Variants in SLC66A2 observed in about 807,000 individuals in gnomAD.
SLC66A2 encodes solute carrier family 66 member 2, also known as PQ loop repeat containing 1.
In SLC66A2, 23 loss-of-function variants were observed where a neutral mutation model predicts 25.5. The observed-to-expected ratio is 0.90, with a 90% CI of 0.65 to 1.28. The LOEUF (loss-of-function observed/expected upper bound fraction) is 1.28, where lower values mean the gene tolerates loss of function less well. Ranked by LOEUF, SLC66A2 falls within the 50% of genes most tolerant of loss-of-function variation. The probability of loss-of-function intolerance (pLI) is 0.00; values close to 1 mark genes in which losing one functional copy is unlikely to be tolerated. For missense variants in SLC66A2, 396 were observed against 373.1 expected (o/e 1.06, Z -0.51); for synonymous variants, 193 against 166.5 (o/e 1.16, Z -1.23).
In SLC66A2 at chr18:79,937,805, C is replaced by T. The variant is rs1987251681; in HGVS notation, c.338-3783G>A. 6.6e-6 allele frequency among the ~76,000 whole-genome samples: 1 copy of T among 152,134 alleles called. No individual in the cohort carries two copies. Among genetic ancestry groups the T allele is most frequent in the Non-Finnish European group, 1.5e-5 (1 of 68,014 alleles). ...CTTGTCCTTGTCCACATCCCAGGGA[C>T]ATAAAGACACGAGGAAACACCAGGA... On this transcript the variant is annotated intron_variant, in intron 3 of 5. Transcript: ENST00000397778. This position sits in a 1 kb window ranked among gnomAD's most constrained non-coding sequence, Gnocchi z 5.4.
At chr18:79,939,609 G>GCC (rs1987461236) in intron 3 of SLC66A2, among the ~76,000 whole-genome samples, 1 of 152,164 alleles carries the variant, frequency 6.6e-6, no homozygotes, top group Non-Finnish European at 1.5e-5. Context: ...CATACATGCG[G>GCC]CCAACAAGCG....
intron 2 of SLC66A2, among the ~76,000 whole-genome samples, chr18:79,948,158 C>G (rs928327603): frequency 6.6e-6 from 1 of 152,176 alleles, no homozygotes; most frequent in Non-Finnish European, 1.5e-5. Context: ...TTCAGAATTC[C>G]CTGGAAGGCT....
chr18:79,933,468 A>G (rs1986771835), intron 4 of SLC66A2, among the ~76,000 whole-genome samples: 2 of 152,240 alleles, frequency 1.3e-5, no homozygotes, highest in African/African-American at 4.8e-5. Context: ...AATTAAAACT[A>G]TATTTGCAAA....
At chr18:79,933,575 A>C (rs1179868280) in intron 4 of SLC66A2, among the ~76,000 whole-genome samples, 1 of 152,250 alleles carries the variant, frequency 6.6e-6, no homozygotes, top group Non-Finnish European at 1.5e-5. Flanking sequence ...ATGATCAATT[A>C]CATTTCTATA....
At chr18:79,914,271 A>G (rs1193009869) in intron 5 of SLC66A2, among the ~76,000 whole-genome samples, 1 of 152,340 alleles carries the variant, frequency 6.6e-6, no homozygotes, top group Non-Finnish European at 1.5e-5. Context: ...GTCATCTTAA[A>G]CACGACCCTG....
intron 5 of SLC66A2, among the ~76,000 whole-genome samples, chr18:79,905,209 CAGG>C (rs1248985644): frequency 3.3e-5 from 5 of 152,234 alleles, no homozygotes; most frequent in Non-Finnish European, 5.9e-5. Flanking sequence ...TGGGAAAAAC[CAGG>C]AGGCTTTGGG....
Position 79,943,339 on chromosome 18 carries a change from G to A in SLC66A2, c.327C>T (p.Arg109=), listed in dbSNP as rs1313292326. ...RVANELNARR[R]SFTAADSKDE... is the part of the protein sequence containing the mutation. ...GCGCCGGCCACCAACCTGTAAAGGA[G>A]CGGCGCCTGGCGTTGAGCTCGTTGG... is the stretch of plus-strand genomic sequence containing the variant. Residue 109 remains arginine, a synonymous_variant, in exon 3 of 6, where the codon CGC becomes CGT. Coordinates refer to ENST00000397778, the MANE Select transcript of SLC66A2 (RefSeq NM_025078.5). 3 of 1,614,032 alleles carry A rather than the reference G, an allele frequency of 1.9e-6. No individual in the cohort carries two copies. Among genetic ancestry groups the A allele is most frequent in the East Asian group, 4.5e-5 (2 of 44,888 alleles).
intron 5 of SLC66A2, among the ~76,000 whole-genome samples, chr18:79,912,635 G>C (rs543129516): frequency 3.3e-5 from 5 of 152,130 alleles, no homozygotes; most frequent in African/African-American, 1.2e-4. Flanking sequence ...AGGCTGGGGC[G>C]GTGGGAATGA....
rs971705234 is a variant in SLC66A2, at chr18:79,927,914, G to C, written c.391+6055C>G. ...CACATTCCTGCAGCCGCCTCAGCTA[G>C]AGCCAGGGAGGCCCTGGGAGAATGG... On this transcript the variant is annotated intron_variant, in intron 4 of 5. Coordinates refer to ENST00000397778, the MANE Select transcript of SLC66A2 (RefSeq NM_025078.5). The surrounding 1 kb of genome is among the most constrained non-coding windows in gnomAD (Gnocchi z 6.2). 3.9e-5 allele frequency among the ~76,000 whole-genome samples: 6 copies of C among 152,256 alleles called. No homozygotes were observed. The highest frequency in any genetic ancestry group is 8.8e-5 in the Non-Finnish European group (6 of 68,050).
rs1226821244 is a variant in SLC66A2, at chr18:79,927,603, G to A, written c.391+6366C>T. Among the ~76,000 whole-genome samples the A allele has an allele frequency of 2.0e-5, 3 of 152,130 alleles. No individual in the cohort carries two copies. Among genetic ancestry groups the A allele is most frequent in the Non-Finnish European group, 4.4e-5 (3 of 68,026 alleles). ...AGGGACAGGCAGACGACACAGCTGG[G>A]GCCAGAGGACGACGCAGAGAGACCC... is the stretch of plus-strand genomic sequence containing the variant. On this transcript the variant is annotated intron_variant, in intron 4 of 5. Transcript: ENST00000397778. The surrounding 1 kb of genome is among the most constrained non-coding windows in gnomAD (Gnocchi z 6.2).
chr18:79,949,979 G>A (rs1180182970), intron 2 of SLC66A2: 2 of 152,198 alleles, frequency 1.3e-5, no homozygotes, highest in Admixed American at 1.3e-4. Context: ...AATTTCCTTA[G>A]CCTAATACAA....
At chr18:79,948,114 G>A (rs374479342) in intron 2 of SLC66A2, among the ~76,000 whole-genome samples, 1 of 152,208 alleles carries the variant, frequency 6.6e-6, no homozygotes, top group Non-Finnish European at 1.5e-5. Context: ...GACAGCCCAG[G>A]ATGTTGATTC....
In SLC66A2 at chr18:79,917,764, C is replaced by T. The variant is rs996710731; in HGVS notation, c.608+1420G>A. 7.9e-5 allele frequency among the ~76,000 whole-genome samples: 12 copies of T among 151,974 alleles called. No individual in the cohort carries two copies. The highest frequency in any genetic ancestry group is 3.9e-4 in the Admixed American group (6 of 15,262). On this transcript the variant is annotated intron_variant, in intron 5 of 5. Transcript: ENST00000397778. This position sits in a 1 kb window ranked among gnomAD's most constrained non-coding sequence, Gnocchi z 6.0. ...TCCATGCACCCTCGCCCGAGAAACC[C>T]CAGCAACCCCCCTGGTCTTGATTCA...
In SLC66A2 at chr18:79,951,603, A is replaced by T. The variant is rs545380076; in HGVS notation, c.-122T>A. 1 of 150,662 alleles carries T rather than the reference A, an allele frequency of 6.6e-6. No homozygotes were observed. The highest frequency in any genetic ancestry group is 2.4e-5 in the African/African-American group (1 of 41,120). The allele number at this position is 150,662 out of a possible 1,614,324, so 9.3% of individuals were successfully genotyped here. ...TACCTGCGCCCCCAGCCCCGCGCCC[A>T]GCGCCCCGCGTCCCCGCGCCGCTGA... On this transcript the variant is annotated 5_prime_UTR_variant, in exon 1 of 6. Transcript: ENST00000397778.
At position 79,943,502 on chromosome 18, in the gene SLC66A2, T is replaced by C. The variant is rs771170553; in HGVS notation, c.204-40A>G. The C allele has an allele frequency of 1.2e-5, 19 of 1,599,440 alleles. 1 individual carries two copies. The highest frequency in any genetic ancestry group is 3.4e-4 in the Middle Eastern group (2 of 5,968). On this transcript the variant is annotated intron_variant, in intron 2 of 5. Coordinates refer to ENST00000397778, the MANE Select transcript of SLC66A2 (RefSeq NM_025078.5). ...CTGTGTCAGGAGGGAGGTCCACCCA[T>C]GCCACTTCTCCCAGTCCCGAACCTG...
chr18:79,939,644 GATC>G (rs761813972), intron 3 of SLC66A2, among the ~76,000 whole-genome samples: 2 of 152,118 alleles, frequency 1.3e-5, no homozygotes, highest in Non-Finnish European at 2.9e-5. Context: ...CAACATCACT[GATC>G]ATTAGAGAAA....
intron 5 of SLC66A2, among the ~76,000 whole-genome samples, chr18:79,912,286 G>A (rs778080904): frequency 1.3e-4 from 20 of 152,154 alleles, no homozygotes; most frequent in Admixed American, 3.9e-4. Context: ...ATAAAAACTC[G>A]TTCATGAGTG....
chr18:79,943,511 T>C, intron 2 of SLC66A2, 49 bp from the exon 3 acceptor site: 2 of 1,591,034 alleles, frequency 1.3e-6, no homozygotes, highest in Non-Finnish European at 1.7e-6. Context: ...ATGCCACTTC[T>C]CCCAGTCCCG....
intron 4 of SLC66A2, among the ~76,000 whole-genome samples, chr18:79,924,028 C>A (rs1985610460): frequency 6.7e-6 from 1 of 148,618 alleles, no homozygotes; most frequent in African/African-American, 2.5e-5. Context: ...CAGAGTGGGA[C>A]CTGGTCTCAA....
Sources: allele counts gnomAD v4.1 joint callset (sites outside exome capture counted in the v4.1 genomes callset), GRCh38; gene constraint gnomAD v4.1.1; non-coding constraint Gnocchi (gnomAD v3.1); transcripts MANE v1.5; gene names NCBI Gene and HGNC (gene_info 2026-07-23, HGNC 2026-07-21).